The following DGKB variants were observed in gnomAD, a reference collection of about 807,000 sequenced individuals.
DGKB encodes diacylglycerol kinase beta, also known as 90 kDa diacylglycerol kinase.
DGKB carries 67 observed loss-of-function variants against 114.3 expected under a neutral mutation model. That is an observed-to-expected ratio of 0.59 (90% confidence interval 0.48 to 0.72). The LOEUF (loss-of-function observed/expected upper bound fraction) is 0.72. Among genes scored for constraint, DGKB ranks in the 30% least tolerant of loss-of-function variants. The probability of loss-of-function intolerance (pLI) is 0.00; values close to 1 mark genes in which losing one functional copy is unlikely to be tolerated. For missense variants in DGKB, 907 were observed against 975.2 expected, an observed-to-expected ratio of 0.93 and a Z score of 0.93; for synonymous variants, 398 against 323.1, an observed-to-expected ratio of 1.23 and a Z score of -2.49.
chr7:14,619,253 T>C (rs1271489495), intron 15 of DGKB, among the ~76,000 whole-genome samples: 1 of 151,616 alleles, frequency 6.6e-6, no homozygotes, highest in Non-Finnish European at 1.5e-5. Flanking sequence ...GACACTTTTA[T>C]ATGTCAAAGA....
chr7:14,240,799 T>C lies in DGKB; in HGVS notation c.2123-62648A>G, dbSNP rs1194748844. 2.6e-5 allele frequency among the ~76,000 whole-genome samples: 4 copies of C among 152,262 alleles called. No individual in the cohort carries two copies. The East Asian group carries it at 7.7e-4, about 29-fold the overall frequency. On this transcript the variant is annotated intron_variant, in intron 23 of 25. Coordinates refer to ENST00000402815, the MANE Select transcript of DGKB (RefSeq NM_001350709.2). ...TCTTAATAAGCTGAGTGACAGTAAA[T>C]GGTTACAGTTTAGGAGGATTAATAA...
chr7:14,914,450 A>C (rs979277392), intron 1 of DGKB, among the ~76,000 whole-genome samples: 1 of 152,196 alleles, frequency 6.6e-6, no homozygotes, highest in African/African-American at 2.4e-5. Flanking sequence ...AAAACGAAAG[A>C]AAATGAATCT....
At chr7:14,364,172 A>G (rs1816243646) in intron 21 of DGKB, among the ~76,000 whole-genome samples, 1 of 152,024 alleles carries the variant, frequency 6.6e-6, no homozygotes. Flanking sequence ...ATTATTTCCA[A>G]TAAAAAAAAC....
chr7:14,770,605 A>C (rs1837269350), intron 2 of DGKB, among the ~76,000 whole-genome samples: 1 of 152,134 alleles, frequency 6.6e-6, no homozygotes, highest in African/African-American at 2.4e-5. Context: ...AAATTTTGCA[A>C]ATATAGTTCC....
intron 23 of DGKB, among the ~76,000 whole-genome samples, chr7:14,335,274 T>C (rs1488450104): frequency 6.7e-6 from 1 of 149,838 alleles, no homozygotes; most frequent in Non-Finnish European, 1.5e-5. Flanking sequence ...TAAATTAAAA[T>C]AAAAGAGTAA....
chr7:14,752,058 A>C (rs1225221399), intron 4 of DGKB, among the ~76,000 whole-genome samples: 1 of 152,184 alleles, frequency 6.6e-6, no homozygotes, highest in Non-Finnish European at 1.5e-5. Context: ...ATAAGTGAAC[A>C]AACTAAAGAT....
At chr7:14,849,931 G>C (rs1009135401) in intron 1 of DGKB, among the ~76,000 whole-genome samples, 9 of 152,142 alleles carry the variant, frequency 5.9e-5, no homozygotes, top group Non-Finnish European at 1.2e-4. Flanking sequence ...AGGAGACACA[G>C]AACAAAGCTC....
intron 14 of DGKB, among the ~76,000 whole-genome samples, chr7:14,624,804 C>A (rs2128824905): frequency 6.6e-6 from 1 of 152,176 alleles, no homozygotes; most frequent in East Asian, 1.9e-4. Context: ...TCAAGACCAG[C>A]TTGGGCAACA....
At chr7:14,905,212 T>C (rs1252031367), upstream of DGKB, among the ~76,000 whole-genome samples, 1 of 150,734 alleles carries the variant, frequency 6.6e-6, no homozygotes, top group Non-Finnish European at 1.5e-5. Context: ...GTTAAAATAA[T>C]TGGTAATGAG....
chr7:14,767,642 T>A (rs187688502), intron 2 of DGKB, among the ~76,000 whole-genome samples: 8 of 152,108 alleles, frequency 5.3e-5, no homozygotes, highest in Non-Finnish European at 5.9e-5. Flanking sequence ...GAATACAATA[T>A]AAGATGTCTT....
At chr7:14,737,297 T>A (rs1831867887) in intron 4 of DGKB, among the ~76,000 whole-genome samples, 1 of 147,018 alleles carries the variant, frequency 6.8e-6, no homozygotes, top group African/African-American at 2.5e-5. Context: ...TTTTTTTTTT[T>A]TTTTTTTTTT....
At chr7:14,945,993 A>T (rs1012225556) in intron 1 of DGKB, among the ~76,000 whole-genome samples, 2 of 151,622 alleles carry the variant, frequency 1.3e-5, no homozygotes, top group East Asian at 3.9e-4. Flanking sequence ...GATGCTGCGT[A>T]ATTAAATATT....
intron 13 of DGKB, among the ~76,000 whole-genome samples, chr7:14,648,370 C>G (rs921574447): frequency 1.3e-5 from 2 of 152,190 alleles, no homozygotes; most frequent in Non-Finnish European, 2.9e-5. Context: ...GGGAGGCACC[C>G]CCCAGCAGGG....
At chr7:14,735,167 C>G (rs899025139) in intron 5 of DGKB, among the ~76,000 whole-genome samples, 2 of 152,186 alleles carry the variant, frequency 1.3e-5, no homozygotes, top group African/African-American at 2.4e-5. Flanking sequence ...CGGTGATGCA[C>G]CCTCCTCAGA....
intron 23 of DGKB, among the ~76,000 whole-genome samples, chr7:14,194,267 A>G (rs930131978): frequency 2.0e-5 from 3 of 152,174 alleles, no homozygotes; most frequent in Non-Finnish European, 1.5e-5. Flanking sequence ...CTGTAGCACT[A>G]TTTATAATAG....
At chr7:14,802,725 T>C (rs771568318) in intron 2 of DGKB, among the ~76,000 whole-genome samples, 4 of 152,132 alleles carry the variant, frequency 2.6e-5, no homozygotes, top group Non-Finnish European at 5.9e-5. Context: ...AGTTCATTTA[T>C]AAAAATCAAC....
intron 2 of DGKB, among the ~76,000 whole-genome samples, chr7:14,765,193 C>A (rs768563035): frequency 4.8e-4 from 73 of 151,866 alleles, no homozygotes; most frequent in Non-Finnish European, 8.5e-4. Context: ...TGTACAAAAA[C>A]CAAACCCTCT....
At chr7:14,300,096 T>A (rs2128486400) in intron 23 of DGKB, among the ~76,000 whole-genome samples, 1 of 152,168 alleles carries the variant, frequency 6.6e-6, no homozygotes, top group East Asian at 1.9e-4. Context: ...TACCAAAAAA[T>A]AGTATAAAAT....
chr7:14,511,427 G>C (rs1787960469), intron 20 of DGKB, among the ~76,000 whole-genome samples: 1 of 152,168 alleles, frequency 6.6e-6, no homozygotes, highest in Non-Finnish European at 1.5e-5. Context: ...TTCTTCTGCA[G>C]CTTCCTCACC....
Sources: gnomAD v4.1 joint callset for allele counts (sites outside exome capture counted in the v4.1 genomes callset) on GRCh38, gnomAD v4.1.1 for gene constraint, MANE v1.5 for transcripts, NCBI Gene and HGNC (gene_info 2026-07-23, HGNC 2026-07-21) for gene names.